The following PLCL1 variants were observed in gnomAD, a reference collection of about 807,000 sequenced individuals.
The protein encoded by PLCL1 is inactive phospholipase C-like protein 1.
In PLCL1, 41 loss-of-function variants were observed where a neutral mutation model predicts 84.4. The observed-to-expected ratio is 0.49, with a 90% CI of 0.38 to 0.63. The LOEUF (loss-of-function observed/expected upper bound fraction) is 0.63. Among genes scored for constraint, PLCL1 ranks in the 30% least tolerant of loss-of-function variants. PLCL1 has a pLI of 0.00. For missense variants in PLCL1, 1,206 were observed against 1,367.8 expected, an observed-to-expected ratio of 0.88 and a Z score of 1.87; for synonymous variants, 490 against 488.3, an observed-to-expected ratio of 1.00 and a Z score of -0.05.
chr2:197,920,971 G>C (rs1221236197), intron 1 of PLCL1, among the ~76,000 whole-genome samples: 1 of 152,196 alleles, frequency 6.6e-6, no homozygotes, highest in East Asian at 1.9e-4. Context: ...ACAGGGCATT[G>C]TTAGGCGATT....
chr2:197,861,448 A>C (rs1265828687), intron 1 of PLCL1, among the ~76,000 whole-genome samples: 1 of 152,184 alleles, frequency 6.6e-6, no homozygotes, highest in African/African-American at 2.4e-5. Context: ...CATCGTTTTA[A>C]ATAAACCAGA....
intron 1 of PLCL1, among the ~76,000 whole-genome samples, chr2:197,967,202 A>G (rs1259932713): frequency 6.7e-6 from 1 of 150,064 alleles, no homozygotes; most frequent in Admixed American, 6.6e-5. Flanking sequence ...CAGTTTATTT[A>G]TTTATTTTTT....
At chr2:198,114,278 G>A (rs1313831855) in intron 5 of PLCL1, among the ~76,000 whole-genome samples, 1 of 151,780 alleles carries the variant, frequency 6.6e-6, no homozygotes, top group Non-Finnish European at 1.5e-5. Flanking sequence ...ATAAAAGCCG[G>A]GCTGTTGACA....
intron 1 of PLCL1, among the ~76,000 whole-genome samples, chr2:198,014,653 G>A (rs1321051871): frequency 1.3e-5 from 2 of 151,936 alleles, no homozygotes; most frequent in Non-Finnish European, 1.5e-5. Flanking sequence ...TAGATAATAT[G>A]CAACAGCATC....
chr2:198,069,449 A>G (rs898933091), intron 1 of PLCL1, among the ~76,000 whole-genome samples: 3 of 152,158 alleles, frequency 2.0e-5, no homozygotes, highest in Non-Finnish European at 4.4e-5. Flanking sequence ...TGATCCCACC[A>G]TTGCACTCCA....
At chr2:197,923,282 G>T (rs1440111993) in intron 1 of PLCL1, among the ~76,000 whole-genome samples, 2 of 142,716 alleles carry the variant, frequency 1.4e-5, no homozygotes, top group Non-Finnish European at 3.1e-5. Context: ...CCTCCCGGAC[G>T]GGGTGGCTGC....
intron 1 of PLCL1, among the ~76,000 whole-genome samples, chr2:198,000,076 T>C (rs1169905274): frequency 1.3e-5 from 2 of 152,194 alleles, no homozygotes; most frequent in Non-Finnish European, 2.9e-5. Flanking sequence ...CTGGAGTTGA[T>C]GACAGTTTTA....
intron 1 of PLCL1, among the ~76,000 whole-genome samples, chr2:198,065,192 G>A (rs1212989799): frequency 6.6e-6 from 1 of 152,082 alleles, no homozygotes; most frequent in Non-Finnish European, 1.5e-5. Context: ...TTCTTTGGTG[G>A]TAGTCCTTTC....
intron 1 of PLCL1, among the ~76,000 whole-genome samples, chr2:198,030,577 T>C (rs1691386626): frequency 6.6e-6 from 1 of 152,208 alleles, no homozygotes; most frequent in African/African-American, 2.4e-5. Context: ...AATAGTATGA[T>C]GATAATCATA....
rs558595973 is a variant in PLCL1 at position 197,862,753 on chromosome 2, G to T, written c.240+57414G>T. Among the ~76,000 whole-genome samples the T allele has an allele frequency of 3.9e-5, 6 of 152,244 alleles. No homozygotes were observed. The South Asian group carries it at 1.2e-3, about 32-fold the overall frequency. ...AGATTAGATCTGTTTAGGACTGCTT[G>T]ATCTGGTGTGAGTCATGTGTCTGTC... On this transcript the variant is annotated intron_variant, in intron 1 of 5. Coordinates refer to ENST00000428675, the MANE Select transcript of PLCL1 (RefSeq NM_006226.4).
chr2:198,121,988 T>C (rs760111029), intron 5 of PLCL1, among the ~76,000 whole-genome samples: 1 of 152,064 alleles, frequency 6.6e-6, no homozygotes, highest in Non-Finnish European at 1.5e-5. Context: ...CTTCAAGCCA[T>C]TTCCCTCAAT....
intron 1 of PLCL1, among the ~76,000 whole-genome samples, chr2:197,869,515 C>G (rs905672627): frequency 1.3e-5 from 2 of 151,886 alleles, no homozygotes; most frequent in Non-Finnish European, 2.9e-5. Flanking sequence ...TGTTGATGTT[C>G]GACTCATGCA....
intron 1 of PLCL1, among the ~76,000 whole-genome samples, chr2:197,831,384 A>C (rs528323911): frequency 9.8e-5 from 15 of 152,326 alleles, no homozygotes; most frequent in African/African-American, 3.6e-4. Flanking sequence ...TCTCTGATAA[A>C]ACAGACTTTA....
At chr2:197,866,274 T>G (rs1169154171) in intron 1 of PLCL1, among the ~76,000 whole-genome samples, 1 of 149,574 alleles carries the variant, frequency 6.7e-6, no homozygotes, top group East Asian at 1.9e-4. Context: ...TTTCTTAGAT[T>G]AAACACCAAA....
At chr2:197,947,240 AT>A (rs1553504748) in intron 1 of PLCL1, among the ~76,000 whole-genome samples, 2 of 133,288 alleles carry the variant, frequency 1.5e-5, no homozygotes, top group African/African-American at 5.9e-5. Context: ...TTAGATAAAT[AT>A]ATATATATAT....
chr2:197,983,896 A>G (rs1454598918), intron 1 of PLCL1, among the ~76,000 whole-genome samples: 3 of 152,210 alleles, frequency 2.0e-5, no homozygotes, highest in African/African-American at 7.2e-5. Context: ...TAGTATTTCC[A>G]TAACATAGCA....
At chr2:197,997,094 A>G (rs1276699715) in intron 1 of PLCL1, among the ~76,000 whole-genome samples, 2 of 152,194 alleles carry the variant, frequency 1.3e-5, no homozygotes, top group Admixed American at 6.5e-5. Flanking sequence ...CGGAATCCTG[A>G]GAGTGTAGCA....
intron 3 of PLCL1, among the ~76,000 whole-genome samples, chr2:198,096,635 A>G (rs142003180): frequency 6.6e-6 from 1 of 152,350 alleles, no homozygotes; most frequent in East Asian, 1.9e-4. Context: ...TTAACATAAA[A>G]GTTAAAACTT....
intron 5 of PLCL1, among the ~76,000 whole-genome samples, chr2:198,132,559 A>G (rs924111984): frequency 2.0e-5 from 3 of 152,064 alleles, no homozygotes; most frequent in African/African-American, 7.2e-5. Flanking sequence ...TGATAGTTTG[A>G]TTTTCACAGT....
Sources: gnomAD v4.1 joint callset for allele counts (sites outside exome capture counted in the v4.1 genomes callset) on GRCh38, gnomAD v4.1.1 for gene constraint, MANE v1.5 for transcripts, NCBI Gene and HGNC (gene_info 2026-07-23, HGNC 2026-07-21) for gene names.